Variants in UNC5D observed in about 807,000 individuals in gnomAD.
UNC5D encodes the protein netrin receptor UNC5D.
In UNC5D, 39 loss-of-function variants were observed where a neutral mutation model predicts 105.4. That is an observed-to-expected ratio of 0.37 (90% CI 0.29 to 0.48). The LOEUF is 0.48. Among genes scored for constraint, UNC5D ranks in the 20% least tolerant of loss-of-function variants. UNC5D has a pLI of 0.98. For missense variants in UNC5D, 991 were observed against 1,202.4 expected (o/e 0.82, Z 2.60); for synonymous variants, 452 against 450.4 (o/e 1.00, Z -0.04).
chr8:35,624,625 C>T (rs1443742282), intron 4 of UNC5D, among the ~76,000 whole-genome samples: 1 of 152,152 alleles, frequency 6.6e-6, no homozygotes, highest in Non-Finnish European at 1.5e-5. Flanking sequence ...AATGTCCATA[C>T]CTCTGTCTTG....
intron 1 of UNC5D, among the ~76,000 whole-genome samples, chr8:35,349,385 TC>T (rs1310160337): frequency 3.3e-5 from 5 of 152,042 alleles, no homozygotes; most frequent in African/African-American, 1.2e-4. Flanking sequence ...GTTATTTATA[TC>T]TTCTGAATGT....
intron 1 of UNC5D, among the ~76,000 whole-genome samples, chr8:35,322,779 C>T (rs1387620044): frequency 6.6e-6 from 1 of 152,166 alleles, no homozygotes; most frequent in Non-Finnish European, 1.5e-5. Context: ...GGTTTTGGCT[C>T]AGTACGTACG....
chr8:35,686,374 G>A (rs1468095001), intron 6 of UNC5D, among the ~76,000 whole-genome samples, 171 bp from the exon 7 acceptor site: 1 of 152,162 alleles, frequency 6.6e-6, no homozygotes, highest in African/African-American at 2.4e-5. Flanking sequence ...TTGTAAGCCT[G>A]TCTCTTCAGG....
intron 1 of UNC5D, among the ~76,000 whole-genome samples, chr8:35,371,034 C>A (rs1232936479): frequency 3.3e-5 from 5 of 152,054 alleles, no homozygotes; most frequent in African/African-American, 9.7e-5. Flanking sequence ...TACAGCAAGA[C>A]CCTATGTCTA....
At chr8:35,508,591 G>A (rs1415306612) in intron 1 of UNC5D, among the ~76,000 whole-genome samples, 1 of 152,170 alleles carries the variant, frequency 6.6e-6, no homozygotes, top group Non-Finnish European at 1.5e-5. Context: ...AAGCACTGCT[G>A]GGAGGTAGAA....
chr8:35,290,957 A>G (rs1450177141), intron 1 of UNC5D, among the ~76,000 whole-genome samples: 1 of 152,048 alleles, frequency 6.6e-6, no homozygotes, highest in Non-Finnish European at 1.5e-5. Context: ...TCAAAAAAAA[A>G]AAAAAAAAGA....
At chr8:35,517,385 G>T (rs542179730) in intron 1 of UNC5D, among the ~76,000 whole-genome samples, 71 of 152,282 alleles carry the variant, frequency 4.7e-4, no homozygotes, top group Non-Finnish European at 9.1e-4. Flanking sequence ...GAAGAACAAC[G>T]GAAAATAGGC....
At chr8:35,262,531 C>T (rs1461974973) in intron 1 of UNC5D, among the ~76,000 whole-genome samples, 4 of 152,072 alleles carry the variant, frequency 2.6e-5, no homozygotes, top group Non-Finnish European at 5.9e-5. Context: ...CAATGTAAGG[C>T]ATTGTATTCA....
chr8:35,419,998 G>T (rs1248458346), intron 1 of UNC5D, among the ~76,000 whole-genome samples: 1 of 152,058 alleles, frequency 6.6e-6, no homozygotes, highest in Admixed American at 6.5e-5. Context: ...GGCTCGGAAT[G>T]GGGGAGTGCA....
chr8:35,536,985 G>A (rs1023723578), intron 1 of UNC5D, among the ~76,000 whole-genome samples: 2 of 150,946 alleles, frequency 1.3e-5, no homozygotes, highest in African/African-American at 4.9e-5. Context: ...GACAGAGCGA[G>A]ACTCTATCTC....
At chr8:35,495,380 G>A (rs1811488474) in intron 1 of UNC5D, among the ~76,000 whole-genome samples, 1 of 149,206 alleles carries the variant, frequency 6.7e-6, no homozygotes, top group African/African-American at 2.5e-5. Flanking sequence ...AGCTTCCCTG[G>A]GCCACATTGG....
At chr8:35,609,759 C>T (rs868068284) in intron 4 of UNC5D, among the ~76,000 whole-genome samples, 6 of 152,314 alleles carry the variant, frequency 3.9e-5, no homozygotes, top group Middle Eastern at 3.4e-3. Context: ...CCAGCCTCTC[C>T]ATGCCACCAC....
chr8:35,314,919 G>C (rs1809173683), intron 1 of UNC5D, among the ~76,000 whole-genome samples: 1 of 152,114 alleles, frequency 6.6e-6, no homozygotes, highest in African/African-American at 2.4e-5. Flanking sequence ...ACGTAATGCT[G>C]TAAGGAAATG....
intron 1 of UNC5D, among the ~76,000 whole-genome samples, chr8:35,259,612 T>A (rs1044047496): frequency 6.6e-6 from 1 of 152,150 alleles, no homozygotes; most frequent in Non-Finnish European, 1.5e-5. Flanking sequence ...TTACGTTTTT[T>A]CCTCCTCTCT....
chr8:35,242,751 G>A (rs1802876858), intron 1 of UNC5D, among the ~76,000 whole-genome samples: 1 of 152,148 alleles, frequency 6.6e-6, no homozygotes, highest in African/African-American at 2.4e-5. Context: ...AGGATTACAA[G>A]CATGAGCCAC....
At chr8:35,532,754 TC>T (rs1178510256) in intron 1 of UNC5D, among the ~76,000 whole-genome samples, 112 of 85,170 alleles carry the variant, frequency 1.3e-3, no homozygotes, top group African/African-American at 5.8e-3. Flanking sequence ...TTCTTTTTAT[TC>T]TTTTTTCTCT....
At chr8:35,692,205 A>G (rs761599431) in intron 7 of UNC5D, among the ~76,000 whole-genome samples, 2 of 152,246 alleles carry the variant, frequency 1.3e-5, no homozygotes, top group Non-Finnish European at 2.9e-5. Flanking sequence ...AGATGTCTAC[A>G]CAATAGCAGG....
At chr8:35,321,626 T>C (rs1050950499) in intron 1 of UNC5D, among the ~76,000 whole-genome samples, 71 of 152,248 alleles carry the variant, frequency 4.7e-4, no homozygotes, top group African/African-American at 1.6e-3. Flanking sequence ...TTATAGCAGG[T>C]GAGAATGTAC....
At chr8:35,493,254 A>G (rs1254947326) in intron 1 of UNC5D, among the ~76,000 whole-genome samples, 1 of 146,772 alleles carries the variant, frequency 6.8e-6, no homozygotes, top group Non-Finnish European at 1.5e-5. Flanking sequence ...ACTAACAATT[A>G]AGAGTTGCTT....
Sources: allele counts gnomAD v4.1 joint callset (sites outside exome capture counted in the v4.1 genomes callset), GRCh38; gene constraint gnomAD v4.1.1; transcripts MANE v1.5; gene names NCBI Gene and HGNC (gene_info 2026-07-23, HGNC 2026-07-21).